The following NRG3 variants were observed in gnomAD, a reference collection of about 807,000 sequenced individuals.
NRG3 encodes pro-neuregulin-3, membrane-bound isoform.
A neutral mutation model predicts 66.9 loss-of-function variants in NRG3; 31 were observed. The observed-to-expected ratio is 0.46, with a 90% CI of 0.35 to 0.63. The LOEUF is 0.63. Ranked by LOEUF, NRG3 falls within the 20% of genes least tolerant of loss-of-function variation. The pLI is 0.00. For missense variants in NRG3, 910 were observed against 878.9 expected (o/e 1.04, Z -0.45); for synonymous variants, 393 against 359.4 (o/e 1.09, Z -1.06).
intron 2 of NRG3, among the ~76,000 whole-genome samples, chr10:82,681,089 G>T (rs1299114082): frequency 6.6e-6 from 1 of 152,130 alleles, no homozygotes; most frequent in Admixed American, 6.5e-5. Context: ...AACATAATTG[G>T]GGCATCGCTC....
At chr10:82,937,771 A>G (rs556442005) in intron 4 of NRG3, among the ~76,000 whole-genome samples, 1 of 152,338 alleles carries the variant, frequency 6.6e-6, no homozygotes, top group South Asian at 2.1e-4. Flanking sequence ...TGATTGGTAC[A>G]GGAGTAGGTT....
chr10:81,881,129 A>G (rs1842140936), intron 1 of NRG3, among the ~76,000 whole-genome samples: 2 of 150,680 alleles, frequency 1.3e-5, no homozygotes, highest in South Asian at 2.1e-4. Context: ...CCAGTATTTT[A>G]TAGTTGAATC....
chr10:82,566,504 A>T (rs1590696970), intron 2 of NRG3, among the ~76,000 whole-genome samples: 1 of 152,112 alleles, frequency 6.6e-6, no homozygotes, highest in East Asian at 1.9e-4. Context: ...AGAATCCGAA[A>T]TTAATGGATT....
chr10:82,634,576 C>T (rs2133757386), intron 2 of NRG3, among the ~76,000 whole-genome samples: 1 of 152,176 alleles, frequency 6.6e-6, no homozygotes, highest in South Asian at 2.1e-4. Context: ...CAGAAGAGAG[C>T]CAATGCTTTC....
chr10:82,557,956 A>AGTT (rs1565067938), intron 2 of NRG3, among the ~76,000 whole-genome samples: 4 of 152,162 alleles, frequency 2.6e-5, no homozygotes, highest in African/African-American at 9.7e-5. Context: ...CACTCGCTAC[A>AGTT]TTACAAGGTG....
chr10:82,800,221 G>A (rs951654004), intron 3 of NRG3, among the ~76,000 whole-genome samples: 5 of 152,078 alleles, frequency 3.3e-5, no homozygotes. Flanking sequence ...GTTAACATTA[G>A]CAAAATGTTT....
intron 3 of NRG3, among the ~76,000 whole-genome samples, chr10:82,821,501 C>T (rs1322630048): frequency 8.9e-6 from 1 of 112,338 alleles, no homozygotes; most frequent in African/African-American, 4.0e-5. Context: ...CCACACTTAA[C>T]TGAAAAAAAA....
chr10:82,551,954 A>G (rs1554960690), intron 2 of NRG3, among the ~76,000 whole-genome samples: 1 of 150,924 alleles, frequency 6.6e-6, no homozygotes, highest in East Asian at 2.0e-4. Flanking sequence ...CTTTTTTTTA[A>G]TTTAAAAACA....
At chr10:82,553,335 C>G (rs1201460859) in intron 2 of NRG3, among the ~76,000 whole-genome samples, 1 of 152,040 alleles carries the variant, frequency 6.6e-6, no homozygotes, top group Admixed American at 6.6e-5. Flanking sequence ...CCGCACCCCC[C>G]ACACAATCAC....
chr10:82,563,929 A>G (rs2045222791), intron 2 of NRG3, among the ~76,000 whole-genome samples: 1 of 152,158 alleles, frequency 6.6e-6, no homozygotes, highest in Non-Finnish European at 1.5e-5. Context: ...AAGATGATAT[A>G]TTCAAAGAGA....
At chr10:82,794,990 A>G (rs940751817) in intron 3 of NRG3, among the ~76,000 whole-genome samples, 1 of 152,234 alleles carries the variant, frequency 6.6e-6, no homozygotes, top group Non-Finnish European at 1.5e-5. Context: ...ATGTGGACAG[A>G]AATCAATTTC....
At chr10:82,441,389 T>C (rs2090424946) in intron 2 of NRG3, among the ~76,000 whole-genome samples, 1 of 152,236 alleles carries the variant, frequency 6.6e-6, no homozygotes, top group Non-Finnish European at 1.5e-5. Flanking sequence ...TCAACTGTAC[T>C]GCGGTAGAAA....
chr10:82,097,479 T>C (rs1409019473), intron 1 of NRG3, among the ~76,000 whole-genome samples: 1 of 147,958 alleles, frequency 6.8e-6, no homozygotes, highest in Non-Finnish European at 1.5e-5. Context: ...ATATGTGATA[T>C]GTATCTGTAA....
At chr10:82,934,686 CTGG>C (rs954153868) in intron 4 of NRG3, among the ~76,000 whole-genome samples, 1 of 152,158 alleles carries the variant, frequency 6.6e-6, no homozygotes, top group African/African-American at 2.4e-5. Context: ...CCTAACTTAT[CTGG>C]TAAGGAAATG....
intron 2 of NRG3, among the ~76,000 whole-genome samples, chr10:82,370,018 A>T (rs2084780254): frequency 7.2e-6 from 1 of 138,536 alleles, no homozygotes; most frequent in Non-Finnish European, 1.5e-5. Context: ...TTGGCTCCAC[A>T]GTGGTGTCTG....
intron 3 of NRG3, among the ~76,000 whole-genome samples, chr10:82,830,957 T>C (rs1208856347): frequency 3.3e-5 from 5 of 152,190 alleles, no homozygotes; most frequent in Admixed American, 2.0e-4. Flanking sequence ...TGCTGATATG[T>C]TCTGGATATC....
intron 2 of NRG3, among the ~76,000 whole-genome samples, chr10:82,494,007 A>G (rs1843395585): frequency 6.6e-6 from 1 of 152,212 alleles, no homozygotes; most frequent in African/African-American, 2.4e-5. Context: ...ATCACTGATT[A>G]TTAGAGAAAT....
intron 2 of NRG3, among the ~76,000 whole-genome samples, chr10:82,451,608 A>T (rs2091021511): frequency 6.6e-6 from 1 of 152,166 alleles, no homozygotes; most frequent in Non-Finnish European, 1.5e-5. Context: ...AACTTCTCAG[A>T]GGAAGAGCAG....
intron 1 of NRG3, chr10:81,877,908 A>G: frequency 1.3e-6 from 2 of 1,536,610 alleles, no homozygotes; most frequent in Non-Finnish European, 1.7e-6. Flanking sequence ...AAATGAGTCT[A>G]CCCTGAAGAC....
Sources: gnomAD v4.1 joint callset for allele counts (sites outside exome capture counted in the v4.1 genomes callset) on GRCh38, gnomAD v4.1.1 for gene constraint, MANE v1.5 for transcripts, NCBI Gene and HGNC (gene_info 2026-07-23, HGNC 2026-07-21) for gene names.